The following MPDZ variants were observed in gnomAD, a reference collection of about 807,000 sequenced individuals.
MPDZ encodes the protein multiple PDZ domain crumbs cell polarity complex component.
In MPDZ, 234 loss-of-function variants were observed where a neutral mutation model predicts 239.1. The ratio of observed to expected loss-of-function variants is 0.98; its 90% CI spans 0.88 to 1.09. MPDZ has a LOEUF of 1.09. MPDZ is among the 50% of genes least tolerant of loss of function. MPDZ has a pLI of 0.00. For missense variants in MPDZ, 3,175 were observed against 2,510.0 expected (o/e 1.26, Z -5.66); for synonymous variants, 1,048 against 881.3 (o/e 1.19, Z -3.35).
chr9:13,173,463 G>C (rs1181919384), intron 21 of MPDZ, among the ~76,000 whole-genome samples: 1 of 152,062 alleles, frequency 6.6e-6, no homozygotes, highest in Non-Finnish European at 1.5e-5. Context: ...AGCACTTTGG[G>C]AGGCGGAGAT....
chr9:13,129,747 C>CT (rs1254588360), intron 32 of MPDZ, among the ~76,000 whole-genome samples: 2 of 151,470 alleles, frequency 1.3e-5, no homozygotes, highest in African/African-American at 4.9e-5. Context: ...TATTTTAAAC[C>CT]TTTTTTAGAG....
chr9:13,110,815 T>C lies in MPDZ; in HGVS notation c.5725-75A>G, dbSNP rs549300105. The C allele has an allele frequency of 1.9e-4, 188 of 971,126 alleles. 1 individual carries two copies. In the African/African-American group the frequency reaches 2.4e-3, roughly 12 times the overall value. The allele number at this position is 971,126 out of a possible 1,614,324, so 60.2% of individuals were successfully genotyped here. ...TGGGTCTTTGAGACCTAAGTATTCA[T>C]TTCCTTCTCCACCTTCCACATGACA... On this transcript the variant is annotated intron_variant, in intron 43 of 46. Coordinates refer to ENST00000319217, the MANE Select transcript of MPDZ (RefSeq NM_001378778.1).
At chr9:13,271,968 T>A (rs955115678) in intron 1 of MPDZ, among the ~76,000 whole-genome samples, 1 of 151,760 alleles carries the variant, frequency 6.6e-6, no homozygotes. Flanking sequence ...AGCAAATGAG[T>A]AGTTTACTTG....
intron 3 of MPDZ, among the ~76,000 whole-genome samples, chr9:13,232,550 T>A (rs1387458430): frequency 6.6e-6 from 1 of 151,586 alleles, no homozygotes; most frequent in African/African-American, 2.4e-5. Flanking sequence ...ATTTAAAAGG[T>A]AAAACTTTAA....
At chr9:13,200,158 T>A (rs1956210216) in intron 12 of MPDZ, among the ~76,000 whole-genome samples, 1 of 152,012 alleles carries the variant, frequency 6.6e-6, no homozygotes. Flanking sequence ...TTCTTCATGG[T>A]TTAATCTTAT....
At chr9:13,115,382 G>A in intron 39 of MPDZ, 48 bp from the exon 40 acceptor site, 1 of 1,432,818 alleles carries the variant, frequency 7.0e-7, no homozygotes, top group Non-Finnish European at 9.8e-7. Flanking sequence ...TAAATAAAAT[G>A]CTATAATCAT....
intron 1 of MPDZ, among the ~76,000 whole-genome samples, chr9:13,258,006 C>T (rs903488335): frequency 6.6e-6 from 1 of 152,188 alleles, no homozygotes; most frequent in African/African-American, 2.4e-5. Flanking sequence ...AATGAGACAG[C>T]TGCCTAATCC....
At chr9:13,114,114 C>A (rs913779664) in intron 40 of MPDZ, 93 bp from the exon 41 acceptor site, 2 of 958,556 alleles carry the variant, frequency 2.1e-6, no homozygotes, top group African/African-American at 1.7e-5. Context: ...AGACAGATAC[C>A]TGTTAAGCAA....
chr9:13,203,731 CACACACACACACACACACACACACA>C (rs1564021748), intron 12 of MPDZ, among the ~76,000 whole-genome samples: 1 of 2,738 alleles, frequency 3.7e-4, no homozygotes, highest in East Asian at 7.1e-4. Context: ...TATCCTGCCA[CACACACACACACACACACACACACA>C]CACACACACA....
intron 10 of MPDZ, among the ~76,000 whole-genome samples, chr9:13,213,260 G>A (rs1365889733): frequency 2.0e-5 from 3 of 152,026 alleles, no homozygotes; most frequent in Non-Finnish European, 4.4e-5. Flanking sequence ...CCTTGTCACT[G>A]TAATGCCTAC....
Position 13,106,929 on chromosome 9 carries a change from G to C in MPDZ, c.*36C>G. The C allele has an allele frequency of 6.2e-7, 1 of 1,609,388 alleles. No homozygotes were observed. The highest frequency in any genetic ancestry group is 8.5e-7 in the Non-Finnish European group (1 of 1,176,202). ...GCATTCTCTTTACAGTAGGAGGTGA[G>C]CTAGGGGTTGGGTTGGTTCAATTCT... On this transcript the variant is annotated 3_prime_UTR_variant, in exon 47 of 47. Coordinates refer to ENST00000319217, the MANE Select transcript of MPDZ (RefSeq NM_001378778.1).
chr9:13,238,093 C>T (rs1361847396), intron 3 of MPDZ, among the ~76,000 whole-genome samples: 2 of 152,086 alleles, frequency 1.3e-5, no homozygotes, highest in Non-Finnish European at 2.9e-5. Context: ...AGAAAAGCAG[C>T]CCCAAAATCA....
At chr9:13,236,298 A>G (rs1964040348) in intron 3 of MPDZ, among the ~76,000 whole-genome samples, 1 of 63,306 alleles carries the variant, frequency 1.6e-5, no homozygotes, top group African/African-American at 5.9e-5. Flanking sequence ...TTTTTTTGAG[A>G]CAGAGTTTCA....
chr9:13,125,716 T>C (rs1945010227), intron 34 of MPDZ, among the ~76,000 whole-genome samples: 2 of 152,192 alleles, frequency 1.3e-5, no homozygotes, highest in African/African-American at 4.8e-5. Context: ...CCTTAGAAGA[T>C]ATATGGGTTA....
chr9:13,236,663 T>TA (rs971020356), intron 3 of MPDZ, among the ~76,000 whole-genome samples: 2 of 151,960 alleles, frequency 1.3e-5, no homozygotes, highest in Admixed American at 6.6e-5. Context: ...TATACTTAGG[T>TA]AAAAAAATTA....
intron 7 of MPDZ, 113 bp from the exon 8 acceptor site, chr9:13,219,881 G>T: frequency 1.0e-6 from 1 of 999,480 alleles, no homozygotes; most frequent in Non-Finnish European, 1.5e-6. Context: ...TACCAATCAG[G>T]ACATAAAATA....
At chr9:13,134,242 AAATG>A (rs1946423624) in intron 31 of MPDZ, 3 of 154,378 alleles carry the variant, frequency 1.9e-5, no homozygotes, top group Admixed American at 1.3e-4. Flanking sequence ...CCCAGCTAAC[AAATG>A]GTGAAACTCA....
rs375444144 is a variant in MPDZ, at chr9:13,126,524, T to C, written c.4624A>G (p.Ile1542Val). ...TTATTTTGGAAAATTACCTTTTCAA[T>C]AGGGTAACCAACAACAATTTCATCA... ...VDDEIVVGYP[I>V]EKFISLLKTA... The change falls in exon 34 of 47, where the codon ATT becomes GTT. Residue 1542 changes from isoleucine (I) to valine (V), a missense_variant. Transcript: ENST00000319217. 1.5e-4 allele frequency: 234 copies of C among 1,562,074 alleles called. No homozygotes were observed. Among genetic ancestry groups the C allele is most frequent in the Non-Finnish European group, 2.0e-4 (229 of 1,152,046 alleles).
At chr9:13,206,220 C>CATTCT in intron 10 of MPDZ, 121 bp from the exon 11 acceptor site, 1 of 919,856 alleles carries the variant, frequency 1.1e-6, no homozygotes, top group Non-Finnish European at 1.6e-6. Flanking sequence ...AAGTATTCAC[C>CATTCT]TTATCAGGGA....
Sources: gnomAD v4.1 joint callset for allele counts (sites outside exome capture counted in the v4.1 genomes callset) on GRCh38, gnomAD v4.1.1 for gene constraint, MANE v1.5 for transcripts, NCBI Gene and HGNC (gene_info 2026-07-23, HGNC 2026-07-21) for gene names.